Variants in PAWR observed in about 807,000 individuals in gnomAD.
PAWR encodes the protein pro-apoptotic WT1 regulator, also known as PRKC apoptosis WT1 regulator protein.
PAWR carries 23 observed loss-of-function variants against 32.0 expected under a neutral mutation model. The observed-to-expected ratio is 0.72, with a 90% CI of 0.52 to 1.02. PAWR has a LOEUF of 1.02. Ranked by LOEUF, PAWR falls within the 50% of genes least tolerant of loss-of-function variation. The probability of loss-of-function intolerance (pLI) is 0.00; values close to 1 mark genes in which losing one functional copy is unlikely to be tolerated. For missense variants in PAWR, 457 were observed against 437.7 expected (o/e 1.04, Z -0.39); for synonymous variants, 226 against 187.1 (o/e 1.21, Z -1.70).
chr12:79,678,874 T>C (rs1036731617), intron 2 of PAWR, among the ~76,000 whole-genome samples: 16 of 151,158 alleles, frequency 1.1e-4, no homozygotes, highest in African/African-American at 3.9e-4. Flanking sequence ...GGGTATTTTT[T>C]TTTTTTTTTT....
intron 2 of PAWR, among the ~76,000 whole-genome samples, chr12:79,639,057 C>T (rs1285412261): frequency 1.3e-5 from 2 of 148,778 alleles, no homozygotes; most frequent in East Asian, 2.0e-4. Context: ...GGGTTACAGG[C>T]GCATGCCACC....
chr12:79,654,653 A>C (rs1267344298), intron 2 of PAWR, among the ~76,000 whole-genome samples: 1 of 152,234 alleles, frequency 6.6e-6, no homozygotes, highest in African/African-American at 2.4e-5. Context: ...TCACAGTTCC[A>C]CATGGCTGTG....
intron 2 of PAWR, among the ~76,000 whole-genome samples, chr12:79,658,455 C>T (rs1877196200): frequency 2.6e-5 from 4 of 151,918 alleles, no homozygotes. Flanking sequence ...TATCGGACAA[C>T]CAAGCAGAGA....
chr12:79,637,381 G>A (rs1256211709), intron 2 of PAWR, among the ~76,000 whole-genome samples: 1 of 151,870 alleles, frequency 6.6e-6, no homozygotes, highest in Admixed American at 6.6e-5. Context: ...CTCCTTCTCT[G>A]GTAATACCCT....
At chr12:79,613,756 CA>C in intron 3 of PAWR, 147 bp from the exon 4 acceptor site, 1 of 433,758 alleles carries the variant, frequency 2.3e-6, no homozygotes, top group East Asian at 3.4e-5. Context: ...GCTGGTCAAA[CA>C]AAACAGGAGT....
intron 6 of PAWR, among the ~76,000 whole-genome samples, chr12:79,593,701 G>A (rs76647971): frequency 0.13 from 16,662 of 126,738 alleles, 1,037 homozygotes; most frequent in Non-Finnish European, 0.15. Flanking sequence ...CAATTTTAGG[G>A]TTTTTTTTTT....
intron 2 of PAWR, among the ~76,000 whole-genome samples, chr12:79,645,387 T>A (rs900343740): frequency 1.3e-5 from 2 of 152,174 alleles, no homozygotes; most frequent in African/African-American, 2.4e-5. Flanking sequence ...TTTGGGTACC[T>A]TTGCAGCATA....
At chr12:79,676,949 G>A (rs1246699547) in intron 2 of PAWR, among the ~76,000 whole-genome samples, 1 of 152,170 alleles carries the variant, frequency 6.6e-6, no homozygotes, top group Non-Finnish European at 1.5e-5. Context: ...TGTACTAAGA[G>A]TATGACCTAA....
Position 79,681,843 on chromosome 12 carries a change from A to G in PAWR, c.516+7886T>C, listed in dbSNP as rs570723286. Among the ~76,000 whole-genome samples the G allele has an allele frequency of 1.3e-3, 197 of 152,322 alleles. 2 individuals are homozygous for G. The highest frequency in any genetic ancestry group is 4.6e-3 in the African/African-American group (193 of 41,574). ...GTAACTTCTTTGATTATTTCAGCTAATACAATCGTACTTTTTATTCCTATT... is the reference window on the plus strand; with the variant it reads ...GTAACTTCTTTGATTATTTCAGCTAGTACAATCGTACTTTTTATTCCTATT... On this transcript the variant is annotated intron_variant, in intron 2 of 6. Transcript: ENST00000328827.
chr12:79,660,388 C>T (rs945808382), intron 2 of PAWR, among the ~76,000 whole-genome samples: 1 of 151,938 alleles, frequency 6.6e-6, no homozygotes, highest in Non-Finnish European at 1.5e-5. Flanking sequence ...CAAATAGAAA[C>T]AAACAGAAGT....
At chr12:79,658,860 C>A (rs1330206061) in intron 2 of PAWR, among the ~76,000 whole-genome samples, 1 of 151,800 alleles carries the variant, frequency 6.6e-6, no homozygotes, top group South Asian at 2.1e-4. Context: ...GGGATTTCAC[C>A]ACATTGGCCA....
At chr12:79,659,840 A>G (rs1340843550) in intron 2 of PAWR, among the ~76,000 whole-genome samples, 2 of 152,122 alleles carry the variant, frequency 1.3e-5, no homozygotes, top group African/African-American at 2.4e-5. Context: ...TATTTAAAGG[A>G]AATATTTGGA....
chr12:79,594,510 C>T, intron 5 of PAWR, 77 bp from the exon 6 acceptor site: 3 of 687,702 alleles, frequency 4.4e-6, no homozygotes, highest in Admixed American at 3.2e-5. Flanking sequence ...ATATATCTCC[C>T]CAATTTGGTA....
chr12:79,588,505 C>G lies in PAWR; in HGVS notation c.*4102G>C, dbSNP rs574117652. On this transcript the variant is annotated 3_prime_UTR_variant, in exon 7 of 7. Transcript: ENST00000328827. Reference sequence around the variant, plus strand: ...AATGTTGTAGCAAATTAAATAGAACCTATTAACTAGATCTAAAAACAGTGG... The same window carrying G: ...AATGTTGTAGCAAATTAAATAGAACGTATTAACTAGATCTAAAAACAGTGG... The G allele has an allele frequency of 9.2e-5, 14 of 151,990 alleles. No homozygotes were observed. The South Asian group carries it at 2.9e-3, about 32-fold the overall frequency. The allele number at this position is 151,990 out of a possible 1,614,324, so 9.4% of individuals were successfully genotyped here. A position where few individuals can be genotyped will look rare whatever the true frequency, so the allele number is the denominator to read the frequency against.
chr12:79,610,262 G>C (rs774364140), intron 4 of PAWR, among the ~76,000 whole-genome samples: 2 of 152,188 alleles, frequency 1.3e-5, no homozygotes, highest in African/African-American at 2.4e-5. Context: ...TGGTTGAGCT[G>C]GGTAAGGTTT....
At chr12:79,647,652 T>C (rs938292564) in intron 2 of PAWR, among the ~76,000 whole-genome samples, 4 of 152,344 alleles carry the variant, frequency 2.6e-5, no homozygotes. Context: ...GTCATCAAAA[T>C]AGGTAGTCTT....
At chr12:79,632,461 C>G (rs1263007143) in intron 2 of PAWR, among the ~76,000 whole-genome samples, 1 of 147,546 alleles carries the variant, frequency 6.8e-6, no homozygotes, top group Non-Finnish European at 1.5e-5. Context: ...TGGGCTCAAT[C>G]CATCCTCCTA....
intron 2 of PAWR, among the ~76,000 whole-genome samples, chr12:79,667,573 G>A (rs374299898): frequency 1.3e-5 from 2 of 152,096 alleles, no homozygotes; most frequent in East Asian, 3.9e-4. Flanking sequence ...CAACTATAAT[G>A]TATAGATCTT....
chr12:79,690,503 A>C, intron 1 of PAWR, 112 bp from the exon 2 acceptor site: 1 of 508,986 alleles, frequency 2.0e-6, no homozygotes, highest in Non-Finnish European at 3.0e-6. Flanking sequence ...CCCACCAGTC[A>C]CTACCGGCCA....
Sources: allele counts gnomAD v4.1 joint callset (sites outside exome capture counted in the v4.1 genomes callset), GRCh38; gene constraint gnomAD v4.1.1; transcripts MANE v1.5; gene names NCBI Gene and HGNC (gene_info 2026-07-23, HGNC 2026-07-21).